The following RBFOX1 variants were observed in gnomAD, a reference collection of about 807,000 sequenced individuals.
RBFOX1 encodes RNA binding protein fox-1 homolog 1.
Under a neutral mutation model 57.7 loss-of-function variants are expected in RBFOX1, and 8 were observed. The observed-to-expected ratio is 0.14, with a 90% CI of 0.08 to 0.25. The LOEUF (loss-of-function observed/expected upper bound fraction) is 0.25. Among genes scored for constraint, RBFOX1 ranks in the 10% least tolerant of loss-of-function variants. RBFOX1 has a pLI of 1.00. For missense variants in RBFOX1, 611 were observed against 548.5 expected (o/e 1.11, Z -1.14); for synonymous variants, 326 against 222.4 (o/e 1.47, Z -4.15).
At chr16:6,332,010 G>A (rs773444916) in intron 2 of RBFOX1, among the ~76,000 whole-genome samples, 27 of 152,266 alleles carry the variant, frequency 1.8e-4, no homozygotes, top group African/African-American at 5.5e-4. Flanking sequence ...AGAAACAAGC[G>A]ATGCCTGCAG....
intron 2 of RBFOX1, among the ~76,000 whole-genome samples, chr16:6,535,129 G>A (rs963331453): frequency 1.3e-5 from 2 of 152,212 alleles, no homozygotes; most frequent in Non-Finnish European, 2.9e-5. Context: ...AACAACTGCA[G>A]TTAGAGTGGA....
intron 3 of RBFOX1, among the ~76,000 whole-genome samples, chr16:6,913,877 G>A (rs1307537469): frequency 1.3e-5 from 2 of 152,192 alleles, no homozygotes; most frequent in Non-Finnish European, 2.9e-5. Flanking sequence ...CTATTAGCAA[G>A]GTGCCAGTCT....
intron 1 of RBFOX1, among the ~76,000 whole-genome samples, chr16:6,219,276 C>A (rs991021029): frequency 2.0e-5 from 3 of 151,986 alleles, no homozygotes; most frequent in Non-Finnish European, 4.4e-5. Context: ...CAAGACCAGC[C>A]TGGGCAACAC....
At chr16:5,625,653 G>A (rs773819869) in intron 3 of RBFOX1, among the ~76,000 whole-genome samples, 3 of 151,902 alleles carry the variant, frequency 2.0e-5, no homozygotes, top group Non-Finnish European at 4.4e-5. Flanking sequence ...CGCCTCCTGG[G>A]TTCAAGTGAT....
At chr16:5,443,796 A>C (rs1452778277) in intron 1 of RBFOX1, among the ~76,000 whole-genome samples, 1 of 152,220 alleles carries the variant, frequency 6.6e-6, no homozygotes, top group African/African-American at 2.4e-5. Flanking sequence ...TTCATTTGAA[A>C]ATATGAACAG....
chr16:5,362,721 C>A (rs564488178), intron 1 of RBFOX1, among the ~76,000 whole-genome samples: 3 of 152,204 alleles, frequency 2.0e-5, no homozygotes, highest in Admixed American at 6.5e-5. Flanking sequence ...CCTCAGCCCC[C>A]GACAACCACC....
intron 2 of RBFOX1, among the ~76,000 whole-genome samples, chr16:6,630,105 C>G (rs976999652): frequency 6.6e-6 from 1 of 152,016 alleles, no homozygotes; most frequent in Non-Finnish European, 1.5e-5. Context: ...TTGGTCTAAG[C>G]TTCTGTGCTT....
At chr16:5,393,065 G>T (rs951235921) in intron 1 of RBFOX1, among the ~76,000 whole-genome samples, 2 of 152,150 alleles carry the variant, frequency 1.3e-5, no homozygotes, top group African/African-American at 2.4e-5. Flanking sequence ...GAACCTGGAG[G>T]CAGAAGAGTG....
At chr16:6,760,441 A>C (rs1423349398) in intron 3 of RBFOX1, among the ~76,000 whole-genome samples, 1 of 152,242 alleles carries the variant, frequency 6.6e-6, no homozygotes, top group African/African-American at 2.4e-5. Context: ...TTAATGTTTA[A>C]GAAAGGCATG....
chr16:6,647,784 G>C (rs1000736479), intron 2 of RBFOX1, among the ~76,000 whole-genome samples: 1 of 152,086 alleles, frequency 6.6e-6, no homozygotes, highest in African/African-American at 2.4e-5. Context: ...CACTAGGTTG[G>C]AATGCAGTGG....
chr16:6,636,843 AATAT>A (rs558778826), intron 2 of RBFOX1, among the ~76,000 whole-genome samples: 4 of 119,158 alleles, frequency 3.4e-5, no homozygotes, highest in African/African-American at 1.4e-4. Context: ...TATAATATAT[AATAT>A]ATATAATATA....
At chr16:6,980,327 T>C (rs1462709480) in intron 3 of RBFOX1, among the ~76,000 whole-genome samples, 4 of 152,176 alleles carry the variant, frequency 2.6e-5, no homozygotes, top group African/African-American at 9.7e-5. Flanking sequence ...TACCTATTCG[T>C]TTTTTGTTCC....
intron 4 of RBFOX1, among the ~76,000 whole-genome samples, chr16:7,285,460 C>G (rs1684574548): frequency 1.3e-5 from 2 of 151,988 alleles, no homozygotes; most frequent in Admixed American, 1.3e-4. Flanking sequence ...ACATGTAGGT[C>G]TGTGCATCCA....
chr16:7,355,614 C>G (rs1055376153), intron 4 of RBFOX1, among the ~76,000 whole-genome samples: 8 of 152,172 alleles, frequency 5.3e-5, no homozygotes, highest in Non-Finnish European at 1.2e-4. Context: ...GGCCATCTCC[C>G]CATGTCAGTC....
chr16:7,482,492 TTG>T (rs199943112), intron 4 of RBFOX1, among the ~76,000 whole-genome samples: 58,316 of 149,626 alleles, frequency 0.39, 12,216 homozygotes, highest in African/African-American at 0.55. Context: ...GTTGTTGTTG[TTG>T]TTTCTTAAAT....
chr16:5,959,647 G>A (rs1000828960), intron 4 of RBFOX1, among the ~76,000 whole-genome samples: 7 of 152,190 alleles, frequency 4.6e-5, no homozygotes, highest in African/African-American at 1.4e-4. Context: ...TTAAGGATGT[G>A]TAAGGAATGA....
At chr16:6,739,757 G>T (rs1283383724) in intron 3 of RBFOX1, among the ~76,000 whole-genome samples, 1 of 152,154 alleles carries the variant, frequency 6.6e-6, no homozygotes, top group Admixed American at 6.5e-5. Flanking sequence ...GGTGCCTGTA[G>T]TCTCGGCTCC....
intron 4 of RBFOX1, among the ~76,000 whole-genome samples, chr16:7,116,947 G>C (rs10500348): frequency 0.24 from 36,245 of 152,064 alleles, 4,895 homozygotes; most frequent in East Asian, 0.35. Flanking sequence ...ATATAACCTT[G>C]AGAAGAATCA....
At chr16:7,086,926 C>T (rs1396370297) in intron 4 of RBFOX1, among the ~76,000 whole-genome samples, 1 of 152,134 alleles carries the variant, frequency 6.6e-6, no homozygotes, top group Non-Finnish European at 1.5e-5. Flanking sequence ...ATCCCCCGGC[C>T]CTCCTTCCCT....
Sources: allele counts gnomAD v4.1 joint callset (sites outside exome capture counted in the v4.1 genomes callset), GRCh38; gene constraint gnomAD v4.1.1; transcripts MANE v1.5; gene names NCBI Gene and HGNC (gene_info 2026-07-23, HGNC 2026-07-21).